The following CAMTA1 variants were observed in gnomAD, a reference collection of about 807,000 sequenced individuals.
The protein encoded by CAMTA1 is calmodulin-binding transcription activator 1.
Under a neutral mutation model 170.9 loss-of-function variants are expected in CAMTA1, and 27 were observed. The ratio of observed to expected loss-of-function variants is 0.16; its 90% confidence interval spans 0.12 to 0.22. CAMTA1 has a LOEUF of 0.22. CAMTA1 is among the 10% of genes least tolerant of loss of function. The pLI is 1.00. For missense variants in CAMTA1, 1,619 were observed against 2,217.2 expected, an observed-to-expected ratio of 0.73 and a Z score of 5.42; for synonymous variants, 833 against 891.5, an observed-to-expected ratio of 0.93 and a Z score of 1.17.
intron 11 of CAMTA1, among the ~76,000 whole-genome samples, chr1:7,722,329 G>C (rs1258520231): frequency 6.6e-6 from 1 of 152,200 alleles, no homozygotes; most frequent in Admixed American, 6.5e-5. Flanking sequence ...AGGAACCCCT[G>C]TCAGAGAAAG....
At chr1:7,143,993 G>C (rs1293564142) in intron 4 of CAMTA1, among the ~76,000 whole-genome samples, 3 of 152,154 alleles carry the variant, frequency 2.0e-5, no homozygotes, top group African/African-American at 7.2e-5. Flanking sequence ...TTACTTCTCT[G>C]TTGTTTGAGA....
chr1:7,351,357 C>T (rs1180468602), intron 5 of CAMTA1, among the ~76,000 whole-genome samples: 1 of 152,234 alleles, frequency 6.6e-6, no homozygotes, highest in African/African-American at 2.4e-5. Context: ...GGCCTGAATG[C>T]CGCCAGGCTC....
Position 7,409,049 on chromosome 1 carries a change from C to T in CAMTA1, c.439-58781C>T, listed in dbSNP as rs58560326. 5.9e-3 allele frequency among the ~76,000 whole-genome samples: 900 copies of T among 152,332 alleles called. 7 individuals carry two copies. Among genetic ancestry groups the T allele is most frequent in the African/African-American group, 0.02 (846 of 41,564 alleles). On this transcript the variant is annotated intron_variant, in intron 5 of 22. Coordinates refer to ENST00000303635, the MANE Select transcript of CAMTA1 (RefSeq NM_015215.4). ...ACCTAGGCGCTCCTTTAAGTACCTG[C>T]CTGTGGCCCTCTCTCCAAGGTCGTG...
intron 6 of CAMTA1, among the ~76,000 whole-genome samples, chr1:7,597,011 C>T (rs1020647113): frequency 5.3e-5 from 8 of 152,158 alleles, no homozygotes; most frequent in East Asian, 3.9e-4. Flanking sequence ...CCTGTAATCC[C>T]CTTGTGGCCC....
rs1646198588 is a variant in CAMTA1, at chr1:7,146,595, A to G, written c.302+55224A>G. Among the ~76,000 whole-genome samples the G allele has an allele frequency of 6.6e-6, 1 of 151,570 alleles. No individual in the cohort carries two copies. Among genetic ancestry groups the G allele is most frequent in the East Asian group, 2.0e-4 (1 of 5,062 alleles). ...CGTCCTGCCGGCTCCTCCTCCTTGAACACCAACCATCAGGTTGCCAGGACC... is the reference window on the plus strand; with the variant it reads ...CGTCCTGCCGGCTCCTCCTCCTTGAGCACCAACCATCAGGTTGCCAGGACC... On this transcript the variant is annotated intron_variant, in intron 4 of 22. Coordinates refer to ENST00000303635, the MANE Select transcript of CAMTA1 (RefSeq NM_015215.4). The surrounding 1 kb of genome is among the most constrained non-coding windows in gnomAD (Gnocchi z 4.3).
At chr1:7,107,766 G>C (rs1164366192) in intron 4 of CAMTA1, among the ~76,000 whole-genome samples, 1 of 152,154 alleles carries the variant, frequency 6.6e-6, no homozygotes, top group Admixed American at 6.5e-5. Context: ...TTTAGTGAGT[G>C]TCTAGATGGG....
chr1:7,637,966 G>C (rs765504539), intron 6 of CAMTA1, among the ~76,000 whole-genome samples: 1 of 152,254 alleles, frequency 6.6e-6, no homozygotes, highest in South Asian at 2.1e-4. Flanking sequence ...GCTCCTGTTC[G>C]TGTTGATTGA....
At chr1:7,502,570 G>A (rs200756898) in intron 6 of CAMTA1, among the ~76,000 whole-genome samples, 292 of 152,216 alleles carry the variant, frequency 1.9e-3, no homozygotes, top group African/African-American at 6.8e-3. Flanking sequence ...CTGGAAAGTC[G>A]CCTTCAGCCC....
intron 6 of CAMTA1, among the ~76,000 whole-genome samples, chr1:7,506,042 G>C (rs1180841198): frequency 6.6e-6 from 1 of 152,202 alleles, no homozygotes; most frequent in Non-Finnish European, 1.5e-5. Context: ...AGTGATGACA[G>C]AACGGCCCAG....
intron 6 of CAMTA1, among the ~76,000 whole-genome samples, chr1:7,573,199 C>T (rs1236586969): frequency 2.6e-5 from 4 of 152,200 alleles, no homozygotes; most frequent in African/African-American, 9.7e-5. Flanking sequence ...AAGCACCCTA[C>T]TTAACCCTCA....
intron 4 of CAMTA1, among the ~76,000 whole-genome samples, chr1:7,179,807 A>G (rs532917474): frequency 1.3e-5 from 2 of 152,220 alleles, no homozygotes; most frequent in Non-Finnish European, 2.9e-5. Flanking sequence ...TAAGTGAACT[A>G]AGTTCTTACC....
intron 11 of CAMTA1, among the ~76,000 whole-genome samples, chr1:7,712,363 C>T (rs2096577316): frequency 6.6e-6 from 1 of 151,888 alleles, no homozygotes; most frequent in South Asian, 2.1e-4. Flanking sequence ...CTCTGATGCC[C>T]AGGCCGAAGT....
intron 3 of CAMTA1, among the ~76,000 whole-genome samples, chr1:6,959,966 C>T (rs1303646822): frequency 6.6e-6 from 1 of 152,180 alleles, no homozygotes; most frequent in Admixed American, 6.5e-5. Context: ...CTAAACACTG[C>T]GTGCCTGTTC....
Position 7,665,066 on chromosome 1 carries a change from C to A in CAMTA1, c.2519C>A (p.Ala840Asp), listed in dbSNP as rs372979714. Residue 840 changes from alanine to aspartate, a missense_variant, in exon 9 of 23, where the codon GCC becomes GAC. By Grantham distance (126) the Ala-to-Asp change is moderately radical. Around this residue, in one of 8 missense-constraint regions of CAMTA1, gnomAD observed 731 missense variants for 907.6 expected, o/e 0.81. Transcript: ENST00000303635. This position sits in a 1 kb window ranked among gnomAD's most constrained non-coding sequence, Gnocchi z 4.3. ...SLQLSSSEGG[A>D]STMAYMHVAE... ...CAGCTGAGCAGCTCGGAGGGCGGGG[C>A]CAGCACCATGGCCTACATGCACGTC... is the stretch of plus-strand genomic sequence containing the variant. 2 of 1,568,010 alleles carry A rather than the reference C, an allele frequency of 1.3e-6. No homozygotes were observed. Among genetic ancestry groups the A allele is most frequent in the Non-Finnish European group, 1.7e-6 (2 of 1,156,748 alleles).
chr1:7,568,248 C>T (rs902777767), intron 6 of CAMTA1, among the ~76,000 whole-genome samples: 5 of 148,072 alleles, frequency 3.4e-5, no homozygotes, highest in South Asian at 2.2e-4. Context: ...TCAACATCAC[C>T]GTCGTCATCA....
chr1:7,532,541 A>G lies in CAMTA1; in HGVS notation c.510+64640A>G, dbSNP rs578100150. Among the ~76,000 whole-genome samples, 16 of 151,894 alleles carry G rather than the reference A, an allele frequency of 1.1e-4. No individual in the cohort carries two copies. The highest frequency in any genetic ancestry group is 1.6e-4 in the Non-Finnish European group (11 of 67,966). ...GGTCTTGAACTCCTGGGCTCAATCA[A>G]TCCTCCCATTTCGGCCCCCCGAGTT... On this transcript the variant is annotated intron_variant, in intron 6 of 22. Transcript: ENST00000303635. This position sits in a 1 kb window ranked among gnomAD's most constrained non-coding sequence, Gnocchi z 4.2.
chr1:7,132,178 T>G (rs1048827593), intron 4 of CAMTA1, among the ~76,000 whole-genome samples: 1 of 152,242 alleles, frequency 6.6e-6, no homozygotes, highest in Non-Finnish European at 1.5e-5. Context: ...CTTATCAATT[T>G]CTGCAACAAG....
intron 6 of CAMTA1, among the ~76,000 whole-genome samples, chr1:7,607,447 G>GTGGA (rs1372536928): frequency 5.4e-5 from 8 of 149,316 alleles, no homozygotes; most frequent in African/African-American, 2.0e-4. Context: ...TGATAGGTGG[G>GTGGA]TGGATGGATG....
intron 5 of CAMTA1, among the ~76,000 whole-genome samples, chr1:7,330,696 T>C (rs750651891): frequency 4.6e-5 from 7 of 152,224 alleles, no homozygotes; most frequent in African/African-American, 9.6e-5. Flanking sequence ...AATGGTTCAA[T>C]CACAACTGTT....
Sources: allele counts gnomAD v4.1 joint callset (sites outside exome capture counted in the v4.1 genomes callset), GRCh38; gene constraint gnomAD v4.1.1; regional missense constraint gnomAD v4.1.1; non-coding constraint Gnocchi (gnomAD v3.1); transcripts MANE v1.5; gene names NCBI Gene and HGNC (gene_info 2026-07-23, HGNC 2026-07-21).